Variants in THADA observed in about 807,000 individuals in gnomAD.
The protein encoded by THADA is tRNA (32-2'-O)-methyltransferase regulator THADA.
Under a neutral mutation model 219.8 loss-of-function variants are expected in THADA, and 213 were observed. That is an observed-to-expected ratio of 0.97 (90% CI 0.87 to 1.09). The LOEUF is 1.09. Ranked by LOEUF, THADA falls within the 50% of genes least tolerant of loss-of-function variation. The probability of loss-of-function intolerance (pLI) is 0.00; values close to 1 mark genes in which losing one functional copy is unlikely to be tolerated. For missense variants in THADA, 2,956 were observed against 2,311.3 expected (o/e 1.28, Z -5.72); for synonymous variants, 1,018 against 828.9 (o/e 1.23, Z -3.92).
intron 21 of THADA, among the ~76,000 whole-genome samples, chr2:43,537,607 C>T (rs901827200): frequency 6.6e-6 from 1 of 152,112 alleles, no homozygotes; most frequent in South Asian, 2.1e-4. Flanking sequence ...TAACAAAAGA[C>T]ACTACTGAGG....
At chr2:43,549,462 A>G in intron 19 of THADA, 94 bp from the exon 20 acceptor site, 1 of 1,243,326 alleles carries the variant, frequency 8.0e-7, no homozygotes, top group African/African-American at 1.6e-5. Context: ...TATAATTTTC[A>G]ATACTTAATA....
At chr2:43,274,881 C>T (rs1672537070) in intron 36 of THADA, among the ~76,000 whole-genome samples, 1 of 152,032 alleles carries the variant, frequency 6.6e-6, no homozygotes, top group South Asian at 2.1e-4. Flanking sequence ...CCTTCTTGAA[C>T]CAAAACACTG....
chr2:43,406,607 A>G (rs954939363), intron 28 of THADA, among the ~76,000 whole-genome samples: 2 of 152,244 alleles, frequency 1.3e-5, no homozygotes, highest in African/African-American at 4.8e-5. Context: ...AAAAATATGG[A>G]AAAGACTTTA....
chr2:43,433,714 GC>G (rs1482696643), intron 26 of THADA, among the ~76,000 whole-genome samples: 1 of 152,078 alleles, frequency 6.6e-6, no homozygotes, highest in African/African-American at 2.4e-5. Flanking sequence ...TTGAGACAGA[GC>G]CTTGCTCTGT....
At chr2:43,490,067 G>A (rs981862691) in intron 25 of THADA, among the ~76,000 whole-genome samples, 5 of 152,070 alleles carry the variant, frequency 3.3e-5, no homozygotes, top group Non-Finnish European at 7.4e-5. Context: ...AACAACTCTT[G>A]CAGTTCCTTT....
chr2:43,377,896 A>C (rs780366272), intron 29 of THADA, among the ~76,000 whole-genome samples: 1 of 152,186 alleles, frequency 6.6e-6, no homozygotes, highest in Non-Finnish European at 1.5e-5. Context: ...AGACACCGCA[A>C]AAGGCAGAAT....
chr2:43,555,200 G>C (rs1697200317), intron 17 of THADA, among the ~76,000 whole-genome samples: 1 of 150,832 alleles, frequency 6.6e-6, no homozygotes. Context: ...ATGTAAAACT[G>C]AATAATATAT....
intron 30 of THADA, among the ~76,000 whole-genome samples, chr2:43,322,635 T>C (rs943570858): frequency 2.6e-5 from 4 of 151,332 alleles, no homozygotes; most frequent in African/African-American, 9.7e-5. Context: ...GCAACCGCTA[T>C]TACTACTTTC....
intron 26 of THADA, among the ~76,000 whole-genome samples, chr2:43,447,187 C>T (rs1394852242): frequency 1.3e-5 from 2 of 152,108 alleles, no homozygotes; most frequent in Non-Finnish European, 2.9e-5. Context: ...CATCACCCCC[C>T]ATGATTCAAT....
chr2:43,419,146 G>A (rs1341786077), intron 28 of THADA, among the ~76,000 whole-genome samples: 2 of 152,166 alleles, frequency 1.3e-5, no homozygotes, highest in Non-Finnish European at 2.9e-5. Context: ...GATGAGAGTA[G>A]GGGTGTTGGG....
intron 26 of THADA, among the ~76,000 whole-genome samples, chr2:43,460,238 TAAAAAAAAAA>T (rs10560565): frequency 7.9e-5 from 5 of 63,544 alleles, no homozygotes; most frequent in East Asian, 1.3e-3. Context: ...TTTCTCTTAA[TAAAAAAAAAA>T]AAAAAAAAAA....
chr2:43,366,372 A>T (rs1670157939), intron 29 of THADA, among the ~76,000 whole-genome samples: 1 of 152,208 alleles, frequency 6.6e-6, no homozygotes, highest in Non-Finnish European at 1.5e-5. Context: ...TCACTGTCTG[A>T]AGAATGTGGA....
At chr2:43,420,714 A>G (rs1677601771) in intron 28 of THADA, among the ~76,000 whole-genome samples, 1 of 152,286 alleles carries the variant, frequency 6.6e-6, no homozygotes, top group Non-Finnish European at 1.5e-5. Context: ...ATCTGGCACC[A>G]GAAATGAAGT....
chr2:43,262,856 C>T (rs374844567), intron 36 of THADA, among the ~76,000 whole-genome samples: 4 of 152,322 alleles, frequency 2.6e-5, no homozygotes, highest in African/African-American at 4.8e-5. Context: ...GAAACAGAAT[C>T]TCATTTTGAC....
At chr2:43,464,479 G>C (rs1364084361) in intron 26 of THADA, among the ~76,000 whole-genome samples, 1 of 152,138 alleles carries the variant, frequency 6.6e-6, no homozygotes, top group Non-Finnish European at 1.5e-5. Flanking sequence ...CTTTGTTTAT[G>C]TGTGTTTAGT....
At chr2:43,382,006 A>G (rs1229983972) in intron 29 of THADA, among the ~76,000 whole-genome samples, 19 of 152,240 alleles carry the variant, frequency 1.2e-4, no homozygotes, top group Non-Finnish European at 2.9e-5. Context: ...CCATTAAAAA[A>G]GAACAAACAG....
intron 30 of THADA, among the ~76,000 whole-genome samples, chr2:43,321,536 G>C (rs567171331): frequency 1.3e-5 from 2 of 152,282 alleles, no homozygotes; most frequent in South Asian, 4.1e-4. Context: ...CTTGGGATTG[G>C]GCTAGTGATT....
At chr2:43,531,459 AG>A (rs1693856889) in intron 21 of THADA, among the ~76,000 whole-genome samples, 1 of 152,240 alleles carries the variant, frequency 6.6e-6, no homozygotes, top group South Asian at 2.1e-4. Context: ...GCTAGAAAAC[AG>A]TAAGGACAAG....
intron 15 of THADA, chr2:43,564,474 C>A (rs1698439555): frequency 6.6e-6 from 1 of 152,246 alleles, no homozygotes; most frequent in Non-Finnish European, 1.5e-5. Context: ...TTTTGTTTGT[C>A]AAATCTCTCT....
Sources: gnomAD v4.1 joint callset for allele counts (sites outside exome capture counted in the v4.1 genomes callset) on GRCh38, gnomAD v4.1.1 for gene constraint, MANE v1.5 for transcripts, NCBI Gene and HGNC (gene_info 2026-07-23, HGNC 2026-07-21) for gene names.